Variants in ASB1 observed in about 807,000 individuals in gnomAD.
ASB1 encodes the protein ankyrin repeat and SOCS box protein 1.
In ASB1, 18 loss-of-function variants were observed where a neutral mutation model predicts 27.7. The ratio of observed to expected loss-of-function variants is 0.65; its 90% CI spans 0.45 to 0.96. ASB1 has a LOEUF of 0.96. Among genes scored for constraint, ASB1 ranks in the 50% least tolerant of loss-of-function variants. The pLI is 0.00. For synonymous variants in ASB1, 189 were observed against 187.6 expected, an observed-to-expected ratio of 1.01 and a Z score of -0.06; for missense variants, 397 against 451.7, an observed-to-expected ratio of 0.88 and a Z score of 1.10.
intron 2 of ASB1, 145 bp from the exon 3 acceptor site, chr2:238,435,566 G>C (rs1222134612): frequency 1.2e-6 from 1 of 824,718 alleles, no homozygotes; most frequent in African/African-American, 1.7e-5. Flanking sequence ...GGAAAGGTGT[G>C]AGAGCATTTC....
intron 3 of ASB1, among the ~76,000 whole-genome samples, chr2:238,439,953 G>A (rs1702048751): frequency 6.6e-6 from 1 of 152,112 alleles, no homozygotes; most frequent in African/African-American, 2.4e-5. Context: ...TAATTTGTTA[G>A]TATAGACTCA....
rs188380732 is a variant in ASB1 at position 238,439,497 on chromosome 2, A to G, written c.494+3484A>G. Among the ~76,000 whole-genome samples, 120 of 152,222 alleles carry G rather than the reference A, an allele frequency of 7.9e-4. 2 individuals are homozygous for G. Among genetic ancestry groups the G allele is most frequent in the Admixed American group, 7.8e-3 (119 of 15,294 alleles). On this transcript the variant is annotated intron_variant, in intron 3 of 4. Coordinates refer to ENST00000264607, the MANE Select transcript of ASB1 (RefSeq NM_001040445.3). Reference sequence around the variant, plus strand: ...GGCGAGCGCTGTGATTGCGGCATGGAAGGTGACGCAGTTCTGTCCTCCCTG... The same window carrying G: ...GGCGAGCGCTGTGATTGCGGCATGGGAGGTGACGCAGTTCTGTCCTCCCTG...
chr2:238,452,105 T>C lies in ASB1; in HGVS notation c.*5594T>C, dbSNP rs1207132237. On this transcript the variant is annotated 3_prime_UTR_variant, in exon 5 of 5. Transcript: ENST00000264607. The stretch of plus-strand genomic sequence containing the variant: ...CCACAGTGTTCCGTGGGGTAGGGGG[T>C]GATGGAGACTGTGGGCAAGCCTGTT... 5 of 151,728 alleles carry C rather than the reference T, an allele frequency of 3.3e-5. No individual in the cohort carries two copies. Among genetic ancestry groups the C allele is most frequent in the Non-Finnish European group, 7.4e-5 (5 of 67,976 alleles). 9.4% of individuals were successfully genotyped at this position (151,728 alleles called of 1,614,324 possible). A position where few individuals can be genotyped will look rare whatever the true frequency, so the allele number is the denominator to read the frequency against.
intron 3 of ASB1, among the ~76,000 whole-genome samples, chr2:238,437,041 C>G (rs1294446284): frequency 6.6e-6 from 1 of 152,054 alleles, no homozygotes; most frequent in East Asian, 1.9e-4. Context: ...TTCAGTAGTT[C>G]TGTTTGTGCT....
At chr2:238,431,889 G>A (rs1268056930) in intron 1 of ASB1, among the ~76,000 whole-genome samples, 1 of 152,136 alleles carries the variant, frequency 6.6e-6, no homozygotes, top group Non-Finnish European at 1.5e-5. Context: ...CACCATAACA[G>A]ATAAAATAAT....
At position 238,451,124 on chromosome 2, in the gene ASB1, G is replaced by C. The variant is rs1702276169; in HGVS notation, c.*4613G>C. On this transcript the variant is annotated 3_prime_UTR_variant, in exon 5 of 5. Coordinates refer to ENST00000264607, the MANE Select transcript of ASB1 (RefSeq NM_001040445.3). ...CAGTTTAGATGTGTACATGATGCAC[G>C]TGGGTGGGATTCACATCCCAGGAGA... is the stretch of plus-strand genomic sequence containing the variant. 1.3e-5 allele frequency: 2 copies of C among 152,358 alleles called. No individual in the cohort carries two copies. The highest frequency in any genetic ancestry group is 1.9e-4 in the East Asian group (1 of 5,186). The allele number at this position is 152,358 out of a possible 1,614,324, so 9.4% of individuals were successfully genotyped here. A position where few individuals can be genotyped will look rare whatever the true frequency, so the allele number is the denominator to read the frequency against.
chr2:238,448,402 C>T lies in ASB1; in HGVS notation c.*1891C>T, dbSNP rs1222534067. On this transcript the variant is annotated 3_prime_UTR_variant, in exon 5 of 5. Transcript: ENST00000264607. ...GAGGTCGTAGGCAGTGGCTCATCAC[C>T]CTGGTAGGGCTGATAGGGGCTTTCA... 1 of 152,266 alleles carries T rather than the reference C, an allele frequency of 6.6e-6. No individual in the cohort carries two copies. Among genetic ancestry groups the T allele is most frequent in the African/African-American group, 2.4e-5 (1 of 41,428 alleles). 9.4% of individuals were successfully genotyped at this position (152,266 alleles called of 1,614,324 possible). A position where few individuals can be genotyped will look rare whatever the true frequency, so the allele number is the denominator to read the frequency against.
chr2:238,428,519 A>G (rs1312725823), intron 1 of ASB1, among the ~76,000 whole-genome samples: 1 of 152,074 alleles, frequency 6.6e-6, no homozygotes, highest in Non-Finnish European at 1.5e-5. Context: ...CTGATAGCGA[A>G]CTCTAGACCT....
chr2:238,438,349 A>G (rs1008640151), intron 3 of ASB1, among the ~76,000 whole-genome samples: 2 of 151,650 alleles, frequency 1.3e-5, no homozygotes, highest in South Asian at 2.1e-4. Context: ...ACAGGCACCC[A>G]CCACCATGCC....
At position 238,446,616 on chromosome 2, in the gene ASB1, G is replaced by A. The variant is rs1233218294; in HGVS notation, c.*105G>A. The A allele has an allele frequency of 5.5e-6, 8 of 1,447,678 alleles. No homozygotes were observed. The highest frequency in any genetic ancestry group is 7.7e-6 in the Non-Finnish European group (8 of 1,043,958). 89.7% of individuals were successfully genotyped at this position (1,447,678 alleles called of 1,614,324 possible). A position where few individuals can be genotyped will look rare whatever the true frequency, so the allele number is the denominator to read the frequency against. ...TGCTGCTGGTCTCCTGATGGCTGTTGCTGCAGAAGATGTCCTCGTAGACTG... is the reference window on the plus strand; with the variant it reads ...TGCTGCTGGTCTCCTGATGGCTGTTACTGCAGAAGATGTCCTCGTAGACTG... On this transcript the variant is annotated 3_prime_UTR_variant, in exon 5 of 5. Coordinates refer to ENST00000264607, the MANE Select transcript of ASB1 (RefSeq NM_001040445.3).
chr2:238,427,054 C>A lies in ASB1; in HGVS notation c.-17C>A. The A allele has an allele frequency of 4.0e-6, 5 of 1,259,820 alleles. No homozygotes were observed. The highest frequency in any genetic ancestry group is 4.0e-6 in the Non-Finnish European group (4 of 1,003,294). The allele number at this position is 1,259,820 out of a possible 1,614,324, so 78.0% of individuals were successfully genotyped here. A position where few individuals can be genotyped will look rare whatever the true frequency, so the allele number is the denominator to read the frequency against. On this transcript the variant is annotated 5_prime_UTR_variant, in exon 1 of 5. Transcript: ENST00000264607. ...GGCGTGCGCGGGTCAGGGGCGGCCG[C>A]GGAGGCGGAAGCATCCATGGCGGAG... is the stretch of plus-strand genomic sequence containing the variant.
At chr2:238,428,220 A>G (rs1701799177) in intron 1 of ASB1, among the ~76,000 whole-genome samples, 1 of 152,230 alleles carries the variant, frequency 6.6e-6, no homozygotes, top group Non-Finnish European at 1.5e-5. Context: ...CGTGGGAAAA[A>G]GAGGACCAAC....
At position 238,435,950 on chromosome 2, in the gene ASB1, G is replaced by T; in HGVS notation, c.431G>T (p.Arg144Leu). The part of the protein sequence containing the change: ...GADPNGSRHH[R>L]STPVYHASRV... Reference sequence around the variant, plus strand: ...GACCCCAACGGAAGCCGGCACCATCGCAGCACCCCTGTCTACCACGCCTCT... The same window carrying T: ...GACCCCAACGGAAGCCGGCACCATCTCAGCACCCCTGTCTACCACGCCTCT... Residue 144 changes from arginine (R) to leucine (L), a missense_variant, in exon 3 of 5, where the codon CGC (arginine) becomes CTC (leucine). Arg to Leu is a moderately radical substitution (Grantham distance 102). Coordinates refer to ENST00000264607, the MANE Select transcript of ASB1 (RefSeq NM_001040445.3). The T allele has an allele frequency of 6.2e-7, 1 of 1,614,110 alleles. No homozygotes were observed. The highest frequency in any genetic ancestry group is 8.5e-7 in the Non-Finnish European group (1 of 1,180,022).
chr2:238,440,471 C>G (rs1476986858), intron 3 of ASB1, among the ~76,000 whole-genome samples: 1 of 152,198 alleles, frequency 6.6e-6, no homozygotes. Context: ...GTTCCCCTGC[C>G]CTCCACATAC....
At chr2:238,445,828 G>C (rs980097239) in intron 4 of ASB1, among the ~76,000 whole-genome samples, 9 of 152,242 alleles carry the variant, frequency 5.9e-5, no homozygotes, top group African/African-American at 2.2e-4. Context: ...GGTCAGCTGG[G>C]AGCTGTACTG....
rs1318179107 is a variant in ASB1 at position 238,444,681 on chromosome 2, A to G, written c.834A>G (p.Arg278=). The G allele has an allele frequency of 1.2e-6, 2 of 1,613,988 alleles. No homozygotes were observed. The highest frequency in any genetic ancestry group is 1.1e-5 in the South Asian group (1 of 91,088). ...WESLGPESRG[R]RKVDPEALQV... ...CGCTGGGCCCAGAGTCGAGAGGAAG[A>G]AGAAAAGTGGACCCTGAGGCCTTGC... The change falls in exon 4 of 5, where the codon AGA becomes AGG. Residue 278 remains arginine (R), a synonymous_variant. Coordinates refer to ENST00000264607, the MANE Select transcript of ASB1 (RefSeq NM_001040445.3).
chr2:238,436,772 C>G (rs1701980735), intron 3 of ASB1, among the ~76,000 whole-genome samples: 1 of 140,954 alleles, frequency 7.1e-6, no homozygotes. Context: ...CACTCTCTCT[C>G]TCTTTTTTTT....
At chr2:238,427,421 C>T (rs1160004772) in intron 1 of ASB1, 9 of 309,268 alleles carry the variant, frequency 2.9e-5, no homozygotes, top group Non-Finnish European at 1.2e-5. Context: ...TATGACCCAA[C>T]CGCAAAAGTA....
chr2:238,430,616 A>G (rs1010706557), intron 1 of ASB1, among the ~76,000 whole-genome samples: 3 of 152,260 alleles, frequency 2.0e-5, no homozygotes, highest in Admixed American at 2.0e-4. Context: ...AATCCTTTCC[A>G]GAAGGCTTTC....
Sources: allele counts gnomAD v4.1 joint callset (sites outside exome capture counted in the v4.1 genomes callset), GRCh38; gene constraint gnomAD v4.1.1; transcripts MANE v1.5; gene names NCBI Gene and HGNC (gene_info 2026-07-23, HGNC 2026-07-21).